Variants in MYOCD observed in about 807,000 individuals in gnomAD.
MYOCD encodes the protein myocardin.
In MYOCD, 32 loss-of-function variants were observed where a neutral mutation model predicts 96.1. The observed-to-expected ratio is 0.33, with a 90% CI of 0.25 to 0.45. The LOEUF (loss-of-function observed/expected upper bound fraction) is 0.45. Ranked by LOEUF, MYOCD falls within the 20% of genes least tolerant of loss-of-function variation. The pLI is 1.00. For missense variants in MYOCD, 1,133 were observed against 1,200.6 expected (o/e 0.94, Z 0.83); for synonymous variants, 469 against 469.0 (o/e 1.00, Z 0.00).
rs78913808 is a variant in MYOCD at position 12,668,124 on chromosome 17, G to A, written c.55+1881G>A. Among the ~76,000 whole-genome samples, 343 of 152,296 alleles carry A rather than the reference G, an allele frequency of 2.3e-3. 1 individual carries two copies. The highest frequency in any genetic ancestry group is 7.8e-3 in the African/African-American group (326 of 41,550). On this transcript the variant is annotated intron_variant, in intron 1 of 13. Coordinates refer to ENST00000425538, the MANE Select transcript of MYOCD (RefSeq NM_001146312.3). Reference sequence around the variant, plus strand: ...CTATGGCTGTGCCAGCACTGAGGTCGCAGCATGCTAACAAGAGGGCCTCTC... The same window carrying A: ...CTATGGCTGTGCCAGCACTGAGGTCACAGCATGCTAACAAGAGGGCCTCTC...
At chr17:12,683,030 G>C (rs1384919110) in intron 1 of MYOCD, among the ~76,000 whole-genome samples, 2 of 152,148 alleles carry the variant, frequency 1.3e-5, no homozygotes. Context: ...TTAGCGACTT[G>C]GGTGGAAATA....
rs576712218 is a variant in MYOCD at position 12,720,498 on chromosome 17, T to C, written c.254-2349T>C. ...AGACAACAGACCCATTTCAATACCATAGAGCTACTACAAACAAGGCTTTCA... is the reference window on the plus strand; with the variant it reads ...AGACAACAGACCCATTTCAATACCACAGAGCTACTACAAACAAGGCTTTCA... On this transcript the variant is annotated intron_variant, in intron 4 of 13. Transcript: ENST00000425538. The C allele has an allele frequency of 5.3e-5, 8 of 152,204 alleles. No homozygotes were observed. In the East Asian group the frequency reaches 1.6e-3, roughly 29 times the overall value. The allele number at this position is 152,204 out of a possible 1,614,324, so 9.4% of individuals were successfully genotyped here. A position where few individuals can be genotyped will look rare whatever the true frequency, so the allele number is the denominator to read the frequency against.
intron 1 of MYOCD, among the ~76,000 whole-genome samples, chr17:12,689,756 G>T (rs2030349464): frequency 6.6e-6 from 1 of 151,368 alleles, no homozygotes; most frequent in African/African-American, 2.4e-5. Context: ...GCTTGAACCT[G>T]GGAGGCAAAG....
At chr17:12,731,750 G>T (rs2032177666) in intron 5 of MYOCD, among the ~76,000 whole-genome samples, 1 of 152,314 alleles carries the variant, frequency 6.6e-6, no homozygotes, top group Middle Eastern at 3.4e-3. Flanking sequence ...AAATGCGTCT[G>T]ACTCCAGAAC....
chr17:12,760,528 A>G lies in MYOCD; in HGVS notation c.2332-122A>G, dbSNP rs181748215. On this transcript the variant is annotated intron_variant, in intron 12 of 13. Coordinates refer to ENST00000425538, the MANE Select transcript of MYOCD (RefSeq NM_001146312.3). ...TTAAAGTTATGTGTATTTTGCCACA[A>G]TTGGAAAAAAAAATACCTTGACCAA... The G allele has an allele frequency of 2.3e-5, 18 of 770,240 alleles. No individual in the cohort carries two copies. In the Admixed American group the frequency reaches 3.5e-4, roughly 15 times the overall value. The allele number at this position is 770,240 out of a possible 1,614,324, so 47.7% of individuals were successfully genotyped here. A position where few individuals can be genotyped will look rare whatever the true frequency, so the allele number is the denominator to read the frequency against.
At position 12,764,961 on chromosome 17, in the gene MYOCD, T is replaced by A. The variant is rs1385652655; in HGVS notation, c.*1317T>A. 6.6e-6 allele frequency: 1 copy of A among 152,226 alleles called. No homozygotes were observed. Among genetic ancestry groups the A allele is most frequent in the Non-Finnish European group, 1.5e-5 (1 of 68,038 alleles). 9.4% of individuals were successfully genotyped at this position (152,226 alleles called of 1,614,324 possible). On this transcript the variant is annotated 3_prime_UTR_variant, in exon 14 of 14. Coordinates refer to ENST00000425538, the MANE Select transcript of MYOCD (RefSeq NM_001146312.3). ...CGAAGTTCTTTCTATTCTCGTTTAG[T>A]TTTCAAGAAATTATTGGTTTGTGTT...
At chr17:12,749,655 A>ATG (rs1223721248) in intron 9 of MYOCD, among the ~76,000 whole-genome samples, 16 of 147,908 alleles carry the variant, frequency 1.1e-4, no homozygotes, top group African/African-American at 3.4e-4. Context: ...ATACACACGT[A>ATG]TATATACACA....
At chr17:12,682,087 G>A (rs1037708123) in intron 1 of MYOCD, among the ~76,000 whole-genome samples, 1 of 152,118 alleles carries the variant, frequency 6.6e-6, no homozygotes, top group South Asian at 2.1e-4. Context: ...CAGATAACCA[G>A]GTCTCTCATT....
intron 7 of MYOCD, among the ~76,000 whole-genome samples, chr17:12,740,269 G>A (rs748944712): frequency 2.0e-5 from 3 of 152,080 alleles, no homozygotes; most frequent in Non-Finnish European, 2.9e-5. Context: ...TAGTGCACCC[G>A]TCACCTGAGC....
chr17:12,733,447 A>G (rs1256643163), intron 5 of MYOCD, among the ~76,000 whole-genome samples: 1 of 152,192 alleles, frequency 6.6e-6, no homozygotes, highest in African/African-American at 2.4e-5. Flanking sequence ...GACTTCCAGG[A>G]AAGATGACTA....
intron 2 of MYOCD, among the ~76,000 whole-genome samples, chr17:12,706,714 A>G (rs1307606606): frequency 6.6e-6 from 1 of 152,178 alleles, no homozygotes; most frequent in African/African-American, 2.4e-5. Flanking sequence ...GTAAAATAAC[A>G]CCTATCATGT....
At chr17:12,674,737 A>G (rs1055599957) in intron 1 of MYOCD, among the ~76,000 whole-genome samples, 1 of 152,216 alleles carries the variant, frequency 6.6e-6, no homozygotes, top group African/African-American at 2.4e-5. Context: ...GTTTGTTGAG[A>G]AAATTGACTA....
chr17:12,717,042 A>G (rs1352890495), intron 3 of MYOCD, among the ~76,000 whole-genome samples: 2 of 149,712 alleles, frequency 1.3e-5, no homozygotes, highest in East Asian at 2.0e-4. Flanking sequence ...AAGATTCATT[A>G]TAATACAAAC....
chr17:12,696,963 G>A (rs779708473), intron 1 of MYOCD, among the ~76,000 whole-genome samples: 5 of 152,108 alleles, frequency 3.3e-5, no homozygotes, highest in Admixed American at 1.3e-4. Flanking sequence ...TGACGCTCTT[G>A]GATATTGTCA....
chr17:12,688,573 T>C (rs1171533451), intron 1 of MYOCD, among the ~76,000 whole-genome samples: 1 of 134,448 alleles, frequency 7.4e-6, no homozygotes, highest in Non-Finnish European at 1.5e-5. Context: ...CTTCCTTCCA[T>C]CTCCGTCCCT....
chr17:12,705,070 A>C (rs2031233771), intron 1 of MYOCD, 58 bp from the exon 2 acceptor site: 1 of 1,078,078 alleles, frequency 9.3e-7, no homozygotes, highest in African/African-American at 1.6e-5. Flanking sequence ...TGTAATGAAA[A>C]TATAATGATT....
rs763007628 is a variant in MYOCD, at chr17:12,763,188, A to T, written c.2505A>T (p.Gln835His). ...CCAAGCCCTCGGCTTCCTTTGAACA[A>T]GCCTCTTCAGGCAGCCAGATCCCCT... The part of the protein sequence containing the change: ...VLTKPSASFE[Q>H]ASSGSQIPFD... The change falls in exon 14 of 14, where the codon CAA becomes CAT. Residue 835 changes from glutamine (Q) to histidine (H), a missense_variant. By Grantham distance (24) the Gln-to-His change is conservative. Coordinates refer to ENST00000425538, the MANE Select transcript of MYOCD (RefSeq NM_001146312.3). 3 of 1,614,176 alleles carry T rather than the reference A, an allele frequency of 1.9e-6. No individual in the cohort carries two copies. Among genetic ancestry groups the T allele is most frequent in the Non-Finnish European group, 2.5e-6 (3 of 1,180,022 alleles).
rs920711791 is a variant in MYOCD, at chr17:12,708,593, A to G, written c.121+3400A>G. ...ATTTTTAGTAGAGACAGGTTTCACCATGTTGGCCAGGATGGTCTCGAACTC... is the reference window on the plus strand; with the variant it reads ...ATTTTTAGTAGAGACAGGTTTCACCGTGTTGGCCAGGATGGTCTCGAACTC... On this transcript the variant is annotated intron_variant, in intron 2 of 13. Coordinates refer to ENST00000425538, the MANE Select transcript of MYOCD (RefSeq NM_001146312.3). 2.6e-5 allele frequency among the ~76,000 whole-genome samples: 4 copies of G among 151,992 alleles called. No individual in the cohort carries two copies. The East Asian group carries it at 5.8e-4, about 22-fold the overall frequency.
chr17:12,755,178 G>C (rs2032975745), intron 10 of MYOCD, among the ~76,000 whole-genome samples: 1 of 152,176 alleles, frequency 6.6e-6, no homozygotes. Flanking sequence ...GTAGTGTCCT[G>C]GGAAACAAAG....
Sources: gnomAD v4.1 joint callset for allele counts (sites outside exome capture counted in the v4.1 genomes callset) on GRCh38, gnomAD v4.1.1 for gene constraint, MANE v1.5 for transcripts, NCBI Gene and HGNC (gene_info 2026-07-23, HGNC 2026-07-21) for gene names.